Variants in KCNH7 observed in about 807,000 individuals in gnomAD.
KCNH7 encodes voltage-gated inwardly rectifying potassium channel KCNH7.
A neutral mutation model predicts 120.8 loss-of-function variants in KCNH7; 49 were observed. The observed-to-expected ratio is 0.41, with a 90% confidence interval of 0.32 to 0.51. The LOEUF (loss-of-function observed/expected upper bound fraction) is 0.51. Ranked by LOEUF, KCNH7 falls within the 20% of genes least tolerant of loss-of-function variation. KCNH7 has a pLI of 0.38. For synonymous variants in KCNH7, 547 were observed against 516.1 expected, an observed-to-expected ratio of 1.06 and a Z score of -0.81; for missense variants, 1,097 against 1,446.6, an observed-to-expected ratio of 0.76 and a Z score of 3.92.
At chr2:162,409,277 T>C (rs61054594) in intron 9 of KCNH7, among the ~76,000 whole-genome samples, 9,298 of 151,910 alleles carry the variant, frequency 0.061, 890 homozygotes, top group African/African-American at 0.2. Context: ...GAAAATATTA[T>C]TTTATAAAAG....
Position 162,836,713 on chromosome 2 carries a change from C to T in KCNH7, c.131G>A (p.Cys44Tyr). The change falls in exon 2 of 16, where the codon TGC becomes TAC. Residue 44 changes from cysteine to tyrosine, a missense_variant. Physicochemically the swap from Cys to Tyr is radical, Grantham distance 194. This residue lies in a region of KCNH7 where 57 missense variants were observed against 116.2 expected (regional missense o/e 0.49). Transcript: ENST00000332142. ...ARVQNCAIIY[C>Y]NDGFCEMTGF... ...AGTCATCTCACAGAACCCATCGTTGCAATAAATGATGGCACAGTTCTGCAC... is the reference window on the plus strand; with the variant it reads ...AGTCATCTCACAGAACCCATCGTTGTAATAAATGATGGCACAGTTCTGCAC... 6.2e-7 allele frequency: 1 copy of T among 1,614,008 alleles called. No individual in the cohort carries two copies. The highest frequency in any genetic ancestry group is 8.5e-7 in the Non-Finnish European group (1 of 1,179,978).
intron 2 of KCNH7, among the ~76,000 whole-genome samples, chr2:162,575,191 G>C (rs1282695039): frequency 6.6e-6 from 1 of 152,032 alleles, no homozygotes; most frequent in Admixed American, 6.6e-5. Flanking sequence ...AGCGTGTAAA[G>C]CCTTCTATTT....
intron 2 of KCNH7, among the ~76,000 whole-genome samples, chr2:162,734,693 A>T (rs1687839868): frequency 6.8e-6 from 1 of 146,006 alleles, no homozygotes; most frequent in African/African-American, 2.6e-5. Context: ...ATCATTGGAG[A>T]GCATTTTTTT....
At chr2:162,715,285 G>A (rs574394369) in intron 2 of KCNH7, among the ~76,000 whole-genome samples, 86 of 152,292 alleles carry the variant, frequency 5.6e-4, no homozygotes, top group African/African-American at 1.9e-3. Flanking sequence ...GAGCAAAGAA[G>A]TGGGTAAGTG....
chr2:162,663,126 G>T (rs942661639), intron 2 of KCNH7, among the ~76,000 whole-genome samples: 5 of 152,206 alleles, frequency 3.3e-5, no homozygotes, highest in African/African-American at 1.2e-4. Context: ...TTAAGGTTGT[G>T]TAGCCATGGG....
chr2:162,635,091 T>C (rs1472526726), intron 2 of KCNH7, among the ~76,000 whole-genome samples: 3 of 152,130 alleles, frequency 2.0e-5, no homozygotes, highest in African/African-American at 7.2e-5. Flanking sequence ...AGTTACCATA[T>C]TGGACAGTGT....
intron 9 of KCNH7, among the ~76,000 whole-genome samples, chr2:162,411,197 C>A (rs1046161984): frequency 6.6e-6 from 1 of 151,932 alleles, no homozygotes; most frequent in Admixed American, 6.6e-5. Flanking sequence ...GACATGAAAC[C>A]AACCAATATA....
chr2:162,473,483 C>T (rs889941001), intron 6 of KCNH7, among the ~76,000 whole-genome samples: 15 of 152,042 alleles, frequency 9.9e-5, no homozygotes, highest in Admixed American at 9.8e-4. Flanking sequence ...TTCAAAGCAA[C>T]AGTTGAAATA....
intron 2 of KCNH7, among the ~76,000 whole-genome samples, chr2:162,650,623 A>C (rs1323327861): frequency 3.3e-5 from 5 of 152,276 alleles, no homozygotes; most frequent in African/African-American, 9.6e-5. Context: ...TGAAAAGGTT[A>C]AATTCTCCTG....
chr2:162,608,366 C>T (rs1332379927), intron 2 of KCNH7, among the ~76,000 whole-genome samples: 3 of 152,126 alleles, frequency 2.0e-5, no homozygotes, highest in African/African-American at 7.2e-5. Context: ...ATACAAAACT[C>T]TGGGGTGTAA....
At chr2:162,681,530 T>G (rs1247245058) in intron 2 of KCNH7, among the ~76,000 whole-genome samples, 1 of 151,700 alleles carries the variant, frequency 6.6e-6, no homozygotes, top group Non-Finnish European at 1.5e-5. Flanking sequence ...AATAGAAAAA[T>G]GTACAGACTT....
At chr2:162,529,932 AT>A (rs1691857737) in intron 3 of KCNH7, among the ~76,000 whole-genome samples, 1 of 151,946 alleles carries the variant, frequency 6.6e-6, no homozygotes, top group African/African-American at 2.4e-5. Flanking sequence ...TTCAGTACTT[AT>A]CAAAATTTGA....
intron 6 of KCNH7, among the ~76,000 whole-genome samples, chr2:162,501,589 C>T (rs113426792): frequency 3.9e-5 from 6 of 152,018 alleles, no homozygotes; most frequent in African/African-American, 1.2e-4. Flanking sequence ...ACAGTTATGG[C>T]GGCTGTGAAG....
intron 2 of KCNH7, among the ~76,000 whole-genome samples, chr2:162,537,404 T>A (rs1692146756): frequency 1.3e-5 from 2 of 152,052 alleles, no homozygotes; most frequent in Non-Finnish European, 2.9e-5. Flanking sequence ...CTAGAAATAA[T>A]TCTTACCATT....
intron 2 of KCNH7, among the ~76,000 whole-genome samples, chr2:162,572,062 A>G (rs1419033783): frequency 2.0e-5 from 3 of 152,062 alleles, no homozygotes; most frequent in African/African-American, 7.2e-5. Flanking sequence ...TAATTAAAGT[A>G]AAGAGCTTCT....
intron 7 of KCNH7, among the ~76,000 whole-genome samples, chr2:162,444,406 A>G (rs1289918116): frequency 1.3e-5 from 2 of 152,206 alleles, no homozygotes; most frequent in African/African-American, 4.8e-5. Flanking sequence ...CTAGGTTTCA[A>G]CAGTCTCATT....
chr2:162,424,276 C>T (rs1039303008), intron 8 of KCNH7, among the ~76,000 whole-genome samples: 5 of 152,174 alleles, frequency 3.3e-5, no homozygotes, highest in Non-Finnish European at 2.9e-5. Context: ...AGATCCCTTG[C>T]AACATAATCA....
intron 2 of KCNH7, among the ~76,000 whole-genome samples, chr2:162,707,919 T>C (rs1043553707): frequency 6.6e-6 from 1 of 152,042 alleles, no homozygotes; most frequent in African/African-American, 2.4e-5. Flanking sequence ...TTCCTCATTT[T>C]CATCTAAACT....
chr2:162,712,022 C>T (rs1002924340), intron 2 of KCNH7, among the ~76,000 whole-genome samples: 5 of 152,134 alleles, frequency 3.3e-5, no homozygotes, highest in African/African-American at 1.2e-4. Context: ...GTTGCATTTT[C>T]TCTTCAAAGC....
Sources: allele counts gnomAD v4.1 joint callset (sites outside exome capture counted in the v4.1 genomes callset), GRCh38; gene constraint gnomAD v4.1.1; regional missense constraint gnomAD v4.1.1; transcripts MANE v1.5; gene names NCBI Gene and HGNC (gene_info 2026-07-23, HGNC 2026-07-21).